CYP4F22: variants seen among roughly 807,000 people sequenced by gnomAD.
CYP4F22 encodes ultra-long-chain fatty acid omega-hydroxylase.
A neutral mutation model predicts 60.4 loss-of-function variants in CYP4F22; 37 were observed. The observed-to-expected ratio is 0.61, with a 90% CI of 0.47 to 0.81. The LOEUF is 0.81. Ranked by LOEUF, CYP4F22 falls within the 30% of genes least tolerant of loss-of-function variation. CYP4F22 has a pLI of 0.00. For missense variants in CYP4F22, 655 were observed against 715.0 expected (o/e 0.92, Z 0.96); for synonymous variants, 258 against 280.5 (o/e 0.92, Z 0.80).
At chr19:15,543,262 C>T (rs891859551) in intron 8 of CYP4F22, among the ~76,000 whole-genome samples, 4 of 152,256 alleles carry the variant, frequency 2.6e-5, no homozygotes, top group Middle Eastern at 3.4e-3. Context: ...TGCAGTGATG[C>T]GGTCATGGTT....
chr19:15,538,229 A>G (rs370580854), intron 7 of CYP4F22, among the ~76,000 whole-genome samples: 1 of 152,108 alleles, frequency 6.6e-6, no homozygotes, highest in Non-Finnish European at 1.5e-5. Context: ...AAATGAGATA[A>G]TGTGAATCAA....
chr19:15,514,687 GAAA>G (rs1273375547), intron 1 of CYP4F22, among the ~76,000 whole-genome samples: 2 of 151,384 alleles, frequency 1.3e-5, no homozygotes, highest in African/African-American at 4.9e-5. Flanking sequence ...AAGAAAGAAA[GAAA>G]AAGAAAGAAA....
intron 4 of CYP4F22, among the ~76,000 whole-genome samples, chr19:15,530,386 C>G (rs891548467): frequency 2.0e-5 from 3 of 152,188 alleles, no homozygotes; most frequent in African/African-American, 7.2e-5. Context: ...CCAATGGCCG[C>G]CTCCTCCAGG....
At chr19:15,528,529 C>T (rs941079395) in intron 3 of CYP4F22, among the ~76,000 whole-genome samples, 98 of 151,584 alleles carry the variant, frequency 6.5e-4, no homozygotes, top group East Asian at 1.9e-3. Flanking sequence ...CCTGGTTGCC[C>T]TTGGTGGTAA....
intron 1 of CYP4F22, among the ~76,000 whole-genome samples, chr19:15,523,456 A>G (rs1484515863): frequency 3.3e-5 from 5 of 152,214 alleles, no homozygotes; most frequent in African/African-American, 1.2e-4. Context: ...TTAACCATTC[A>G]TGAGAAACCA....
chr19:15,528,909 C>A (rs1462376237), intron 3 of CYP4F22, among the ~76,000 whole-genome samples: 1 of 152,062 alleles, frequency 6.6e-6, no homozygotes, highest in African/African-American at 2.4e-5. Context: ...TGATAAATGC[C>A]AACCATGATC....
At chr19:15,537,339 A>G in intron 4 of CYP4F22, 22 bp from the exon 5 acceptor site, 2 of 1,613,756 alleles carry the variant, frequency 1.2e-6, no homozygotes, top group Non-Finnish European at 1.7e-6. Flanking sequence ...TTGAGTCACC[A>G]TTTTCCCTTT....
intron 2 of CYP4F22, 134 bp from the exon 3 acceptor site, chr19:15,525,202 G>A (rs2144512077): frequency 2.4e-6 from 2 of 824,978 alleles, no homozygotes; most frequent in Admixed American, 2.0e-5. Flanking sequence ...TCATGGCTGG[G>A]GGATGAAGAG....
At chr19:15,529,563 A>G (rs1599799149) in intron 3 of CYP4F22, 146 bp from the exon 4 acceptor site, 1 of 1,017,558 alleles carries the variant, frequency 9.8e-7, no homozygotes, top group Non-Finnish European at 1.5e-6. Context: ...GAGGAAATGG[A>G]GGCCCAGGGA....
intron 1 of CYP4F22, among the ~76,000 whole-genome samples, chr19:15,518,718 CAA>C (rs147907260): frequency 0.063 from 5,130 of 81,372 alleles, 119 homozygotes; most frequent in Middle Eastern, 0.19. Flanking sequence ...ACCGTGAAAA[CAA>C]AAGAGTCTAA....
intron 1 of CYP4F22, among the ~76,000 whole-genome samples, chr19:15,521,015 C>T (rs1177387145): frequency 6.6e-6 from 1 of 152,020 alleles, no homozygotes; most frequent in Admixed American, 6.6e-5. Flanking sequence ...GATCTGCCTG[C>T]CTTGGCCTCC....
chr19:15,509,289 A>C (rs1176104726), intron 1 of CYP4F22, among the ~76,000 whole-genome samples: 1 of 152,106 alleles, frequency 6.6e-6, no homozygotes, highest in African/African-American at 2.4e-5. Context: ...GAGGCTGGCC[A>C]CCTGGGGAGT....
At chr19:15,550,005 T>C (rs1404806806) in intron 12 of CYP4F22, among the ~76,000 whole-genome samples, 1 of 152,112 alleles carries the variant, frequency 6.6e-6, no homozygotes, top group Non-Finnish European at 1.5e-5. Context: ...CTTGGCTCAC[T>C]GCAACTTCTA....
intron 1 of CYP4F22, among the ~76,000 whole-genome samples, chr19:15,519,069 G>A (rs991352303): frequency 1.3e-5 from 2 of 152,106 alleles, no homozygotes; most frequent in Non-Finnish European, 2.9e-5. Flanking sequence ...GGATGTTCAG[G>A]AGCTGGCTGG....
At chr19:15,509,960 C>CTT (rs1407128270) in intron 1 of CYP4F22, among the ~76,000 whole-genome samples, 43 of 109,436 alleles carry the variant, frequency 3.9e-4, no homozygotes, top group African/African-American at 1.2e-3. Context: ...CTCTGTCTCT[C>CTT]TCTCTTTCTT....
intron 1 of CYP4F22, among the ~76,000 whole-genome samples, chr19:15,511,643 A>G (rs930356293): frequency 4.6e-5 from 7 of 152,118 alleles, no homozygotes; most frequent in African/African-American, 1.7e-4. Context: ...TGCCTTGACT[A>G]CAGGCTTGGA....
intron 8 of CYP4F22, among the ~76,000 whole-genome samples, chr19:15,541,332 C>G (rs977218069): frequency 5.9e-5 from 9 of 152,308 alleles, no homozygotes; most frequent in African/African-American, 2.2e-4. Context: ...CCAGGCCTTG[C>G]TCCCTGGCTT....
intron 1 of CYP4F22, among the ~76,000 whole-genome samples, chr19:15,509,088 C>T (rs1484341963): frequency 2.0e-5 from 3 of 152,136 alleles, no homozygotes; most frequent in Admixed American, 2.0e-4. Context: ...ATCAGGAACC[C>T]TCTGCCCATC....
At chr19:15,524,804 T>G (rs1017276221) in intron 2 of CYP4F22, among the ~76,000 whole-genome samples, 5 of 152,160 alleles carry the variant, frequency 3.3e-5, no homozygotes, top group Non-Finnish European at 7.3e-5. Flanking sequence ...AAATAATTAA[T>G]TTTGTGTTAT....
Sources: allele counts gnomAD v4.1 joint callset (sites outside exome capture counted in the v4.1 genomes callset), GRCh38; gene constraint gnomAD v4.1.1; transcripts MANE v1.5; gene names NCBI Gene and HGNC (gene_info 2026-07-23, HGNC 2026-07-21).